Variants in RNF166 observed in about 807,000 individuals in gnomAD.
The protein encoded by RNF166 is E3 ubiquitin-protein ligase RNF166.
RNF166 carries 19 observed loss-of-function variants against 29.4 expected under a neutral mutation model. The observed-to-expected ratio is 0.65, with a 90% confidence interval of 0.45 to 0.95. The LOEUF (loss-of-function observed/expected upper bound fraction) is 0.95. RNF166 is among the 40% of genes least tolerant of loss of function. RNF166 has a pLI of 0.00. For synonymous variants in RNF166, 171 were observed against 134.5 expected (o/e 1.27, Z -1.88); for missense variants, 347 against 322.1 (o/e 1.08, Z -0.59).
At chr16:88,705,735 C>T (rs1322981093) in intron 1 of RNF166, among the ~76,000 whole-genome samples, 2 of 152,254 alleles carry the variant, frequency 1.3e-5, no homozygotes, top group Non-Finnish European at 2.9e-5. Flanking sequence ...AACAGGCAGA[C>T]AGCGGGTCCG....
intron 2 of RNF166, 119 bp downstream of exon 2, chr16:88,701,143 G>C: frequency 7.4e-7 from 1 of 1,359,954 alleles, no homozygotes. Flanking sequence ...CAGGAGCAGA[G>C]ACCGCGATTA....
rs560871419 is a variant in RNF166 at position 88,699,144 on chromosome 16, C to T, written c.426-59G>A. 3.4e-4 allele frequency: 412 copies of T among 1,195,118 alleles called. 3 individuals are homozygous for T. The highest frequency in any genetic ancestry group is 5.0e-4 in the South Asian group (39 of 77,508). The allele number at this position is 1,195,118 out of a possible 1,614,324, so 74.0% of individuals were successfully genotyped here. A position where few individuals can be genotyped will look rare whatever the true frequency, so the allele number is the denominator to read the frequency against. On this transcript the variant is annotated intron_variant, in intron 3 of 5. Transcript: ENST00000312838. ...TAGGTGTCTAGGGGCTCTGCCTCCCCGCTTCTCTCAAACACAGGCGTGGCC... is the reference window on the plus strand; with the variant it reads ...TAGGTGTCTAGGGGCTCTGCCTCCCTGCTTCTCTCAAACACAGGCGTGGCC...
At chr16:88,698,051 G>A in intron 5 of RNF166, 1 of 545,946 alleles carries the variant, frequency 1.8e-6, no homozygotes, top group Non-Finnish European at 3.3e-6. Flanking sequence ...GCGGCGCAGG[G>A]AGGGGCCGCA....
chr16:88,703,508 C>G (rs1244098468), intron 1 of RNF166: 1 of 985,292 alleles, frequency 1.0e-6, no homozygotes, highest in African/African-American at 1.7e-5. Flanking sequence ...GGCAGGGCGG[C>G]TGGGCCCGAG....
chr16:88,704,060 G>T (rs954887414), intron 1 of RNF166: 1 of 985,358 alleles, frequency 1.0e-6, no homozygotes, highest in Non-Finnish European at 1.2e-6. Flanking sequence ...CTGCGCGAGG[G>T]CTAGAGCAGG....
At position 88,697,340 on chromosome 16, in the gene RNF166, A is replaced by G; in HGVS notation, c.*228T>C. 2.3e-6 allele frequency: 1 copy of G among 431,642 alleles called. No individual in the cohort carries two copies. The highest frequency in any genetic ancestry group is 4.2e-6 in the Non-Finnish European group (1 of 238,478). The allele number at this position is 431,642 out of a possible 1,614,324, so 26.7% of individuals were successfully genotyped here. On this transcript the variant is annotated 3_prime_UTR_variant, in exon 6 of 6. Transcript: ENST00000312838. The stretch of plus-strand genomic sequence containing the variant: ...GTAGGCCGCCTGCTCGGCCAGAAGC[A>G]CCGAAGAACCCAGCGACGCCGGTGG...
intron 1 of RNF166, chr16:88,704,473 G>C (rs1391999110): frequency 1.0e-6 from 1 of 985,372 alleles, no homozygotes. Flanking sequence ...CTGTGTTATG[G>C]AAACTACATT....
At chr16:88,702,655 C>G (rs1269167385) in intron 1 of RNF166, 15 of 975,184 alleles carry the variant, frequency 1.5e-5, no homozygotes, top group Non-Finnish European at 1.8e-5. Context: ...GAGCCACCAC[C>G]TGGCTGGTGG....
intron 3 of RNF166, 43 bp downstream of exon 3, chr16:88,699,577 C>G: frequency 1.3e-6 from 2 of 1,492,642 alleles, no homozygotes; most frequent in Non-Finnish European, 1.8e-6. Flanking sequence ...AACGAGGAAA[C>G]CGCCGAGGAC....
chr16:88,696,920 C>G lies in RNF166; in HGVS notation c.*648G>C. 1 of 218,316 alleles carries G rather than the reference C, an allele frequency of 4.6e-6. No homozygotes were observed. Among genetic ancestry groups the G allele is most frequent in the Non-Finnish European group, 9.4e-6 (1 of 106,714 alleles). 13.5% of individuals were successfully genotyped at this position (218,316 alleles called of 1,614,324 possible). A position where few individuals can be genotyped will look rare whatever the true frequency, so the allele number is the denominator to read the frequency against. On this transcript the variant is annotated 3_prime_UTR_variant, in exon 6 of 6. Coordinates refer to ENST00000312838, the MANE Select transcript of RNF166 (RefSeq NM_178841.4). ...CAGCTGCCCCACTGCTCCTTCCATC[C>G]TTGCCCCAATCCCCCAATGCTTGTT...
rs57865118 is a variant in RNF166 at position 88,701,046 on chromosome 16, C to A, written c.312+216G>T. ...GCGGCTCTGACAGTGCTACCCCCAC[C>A]GGGCTGGCCCCCCCGTCAGCCGTCA... On this transcript the variant is annotated intron_variant, in intron 2 of 5. Transcript: ENST00000312838. 4.4e-6 allele frequency: 6 copies of A among 1,361,626 alleles called. No homozygotes were observed. In the African/African-American group the frequency reaches 4.4e-5, roughly 10 times the overall value. The allele number at this position is 1,361,626 out of a possible 1,614,324, so 84.3% of individuals were successfully genotyped here. A position where few individuals can be genotyped will look rare whatever the true frequency, so the allele number is the denominator to read the frequency against.
rs1222114019 is a variant in RNF166 at position 88,697,552 on chromosome 16, G to A, written c.*16C>T. ...CATCCCTGACCCCAGACGCAGGCGG[G>A]TGGCTGCGCTTCCCTTCAGTTCTCA... On this transcript the variant is annotated 3_prime_UTR_variant, in exon 6 of 6. Transcript: ENST00000312838. 8 of 1,545,804 alleles carry A rather than the reference G, an allele frequency of 5.2e-6. No individual in the cohort carries two copies. Among genetic ancestry groups the A allele is most frequent in the Non-Finnish European group, 6.1e-6 (7 of 1,143,992 alleles).
At position 88,706,197 on chromosome 16, in the gene RNF166, G is replaced by C; in HGVS notation, c.129C>G (p.Pro43=). 2.3e-6 allele frequency: 3 copies of C among 1,300,684 alleles called. No individual in the cohort carries two copies. The highest frequency in any genetic ancestry group is 2.9e-6 in the Non-Finnish European group (3 of 1,019,380). 80.6% of individuals were successfully genotyped at this position (1,300,684 alleles called of 1,614,324 possible). A position where few individuals can be genotyped will look rare whatever the true frequency, so the allele number is the denominator to read the frequency against. The change falls in exon 1 of 6, where the codon CCC becomes CCG. Residue 43 remains proline (P), a synonymous_variant. Coordinates refer to ENST00000312838, the MANE Select transcript of RNF166 (RefSeq NM_178841.4). ...CPICLEVYHR[P]VAIGSCGHTF... ...TGTGGCCGCAGCTGCCGATGGCCACGGGCCGGTGATAGACCTCCAGGCAGA... is the reference window on the plus strand; with the variant it reads ...TGTGGCCGCAGCTGCCGATGGCCACCGGCCGGTGATAGACCTCCAGGCAGA...
chr16:88,697,962 G>C (rs766256345), intron 5 of RNF166: 1 of 471,990 alleles, frequency 2.1e-6, no homozygotes. Context: ...TGAGGCAGGC[G>C]GAGCGTGGGT....
chr16:88,706,129 G>A (rs947669585), intron 1 of RNF166, 42 bp downstream of exon 1: 82 of 1,121,990 alleles, frequency 7.3e-5, no homozygotes, highest in Non-Finnish European at 8.5e-5. Flanking sequence ...CCCGCGGCGG[G>A]GCACGGCCCC....
Position 88,698,642 on chromosome 16 carries a change from A to T in RNF166, c.541-33T>A, listed in dbSNP as rs542951571. ...AGGCACTGGGGTCAAGCCGAGCCGG[A>T]CCGCGGAGAGGCGGGGTAGCCGCAG... On this transcript the variant is annotated intron_variant, in intron 4 of 5. Coordinates refer to ENST00000312838, the MANE Select transcript of RNF166 (RefSeq NM_178841.4). The T allele has an allele frequency of 3.4e-6, 5 of 1,460,414 alleles. No individual in the cohort carries two copies. The African/African-American group carries it at 5.6e-5, about 16-fold the overall frequency. 90.5% of individuals were successfully genotyped at this position (1,460,414 alleles called of 1,614,324 possible).
intron 1 of RNF166, among the ~76,000 whole-genome samples, chr16:88,702,471 A>G (rs1910348154): frequency 6.6e-6 from 1 of 152,300 alleles, no homozygotes; most frequent in East Asian, 1.9e-4. Flanking sequence ...CAAACGACTC[A>G]GCTGAATTCA....
In RNF166 at chr16:88,697,582, G is replaced by A; in HGVS notation, c.700C>T (p.Leu234Phe). ...TGCGCTTCCCTTCAGTTCTCAGAGA[G>A]AGACAGGGCCAGAGCAGCCTGGAAG... ...AAFQAALALS[L>F]SEN is the part of the protein sequence containing the mutation. Residue 234 changes from leucine (L) to phenylalanine (F), a missense_variant, in exon 6 of 6, where the codon CTC (leucine) becomes TTC (phenylalanine). Transcript: ENST00000312838. 1.9e-6 allele frequency: 3 copies of A among 1,550,622 alleles called. No homozygotes were observed. The highest frequency in any genetic ancestry group is 2.6e-6 in the Non-Finnish European group (3 of 1,146,904).
At chr16:88,697,676 G>A (rs749610050) in intron 5 of RNF166, 43 bp from the exon 6 acceptor site, 305 of 1,412,276 alleles carry the variant, frequency 2.2e-4, no homozygotes, top group Non-Finnish European at 2.8e-4. Flanking sequence ...GAGGGAGACA[G>A]GAAGGAGAGG....
Sources: allele counts gnomAD v4.1 joint callset (sites outside exome capture counted in the v4.1 genomes callset), GRCh38; gene constraint gnomAD v4.1.1; transcripts MANE v1.5; gene names NCBI Gene and HGNC (gene_info 2026-07-23, HGNC 2026-07-21).